CAMK4: variants seen among roughly 807,000 people sequenced by gnomAD.
The protein encoded by CAMK4 is calcium/calmodulin dependent protein kinase IV, also known as calcium/calmodulin-dependent protein kinase type IV.
A neutral mutation model predicts 44.9 loss-of-function variants in CAMK4; 22 were observed. The ratio of observed to expected loss-of-function variants is 0.49; its 90% CI spans 0.35 to 0.70. The LOEUF is 0.70. Ranked by LOEUF, CAMK4 falls within the 30% of genes least tolerant of loss-of-function variation. The probability of loss-of-function intolerance (pLI) is 0.01; values close to 1 mark genes in which losing one functional copy is unlikely to be tolerated. For synonymous variants in CAMK4, 218 were observed against 215.4 expected, an observed-to-expected ratio of 1.01 and a Z score of -0.11; for missense variants, 498 against 586.8, an observed-to-expected ratio of 0.85 and a Z score of 1.56.
At chr5:111,419,219 C>G (rs1752929661) in intron 5 of CAMK4, among the ~76,000 whole-genome samples, 2 of 152,122 alleles carry the variant, frequency 1.3e-5, no homozygotes, top group Admixed American at 1.3e-4. Flanking sequence ...TTTCATGTGT[C>G]TTTTGGCTGC....
chr5:111,462,220 T>G (rs557675898), intron 7 of CAMK4, among the ~76,000 whole-genome samples: 1 of 152,212 alleles, frequency 6.6e-6, no homozygotes, highest in African/African-American at 2.4e-5. Context: ...ATCCTCTACA[T>G]CTCAGTTCAA....
At chr5:111,240,306 TAA>T (rs60517832) in intron 1 of CAMK4, among the ~76,000 whole-genome samples, 32,570 of 142,964 alleles carry the variant, frequency 0.23, 3,898 homozygotes, top group Non-Finnish European at 0.29. Flanking sequence ...TTTAACAATC[TAA>T]AAAAAAAAAA....
Position 111,486,533 on chromosome 5 carries a change from ACACACACACG to A in CAMK4, c.*2068_*2077del, listed in dbSNP as rs1755632554. ...CACACACACACACACACACACACACACACACACACGTGTTGGAAGAGCAAAGAGAGGGAAG... is the reference window on the plus strand; with the variant it reads ...CACACACACACACACACACACACACATGTTGGAAGAGCAAAGAGAGGGAAG... On this transcript the variant is annotated 3_prime_UTR_variant, in exon 11 of 11. Transcript: ENST00000282356. 2 of 143,192 alleles carry A rather than the reference ACACACACACG, an allele frequency of 1.4e-5. No individual in the cohort carries two copies. Among genetic ancestry groups the A allele is most frequent in the South Asian group, 4.9e-4 (2 of 4,086 alleles). The allele number at this position is 143,192 out of a possible 1,614,324, so 8.9% of individuals were successfully genotyped here.
intron 4 of CAMK4, among the ~76,000 whole-genome samples, chr5:111,378,242 A>G (rs1195348659): frequency 3.3e-5 from 5 of 152,084 alleles, no homozygotes; most frequent in Non-Finnish European, 1.5e-5. Flanking sequence ...CCCTCACCAG[A>G]CACAAAATCT....
At chr5:111,295,759 G>A (rs561306524) in intron 1 of CAMK4, among the ~76,000 whole-genome samples, 1 of 152,274 alleles carries the variant, frequency 6.6e-6, no homozygotes, top group South Asian at 2.1e-4. Context: ...CCCCACTGTT[G>A]TCTAGTGGTT....
chr5:111,317,834 G>A lies in CAMK4; in HGVS notation c.162-26190G>A, dbSNP rs534149643. The stretch of plus-strand genomic sequence containing the variant: ...TTGAACAACGGGCCCTGTATTGTCT[G>A]AATGCAAATATTACATTTTGTTTTC... On this transcript the variant is annotated intron_variant, in intron 1 of 10. Coordinates refer to ENST00000282356, the MANE Select transcript of CAMK4 (RefSeq NM_001744.6). Among the ~76,000 whole-genome samples the A allele has an allele frequency of 3.7e-3, 472 of 129,052 alleles. 1 individual carries two copies. The highest frequency in any genetic ancestry group is 0.013 in the African/African-American group (442 of 34,794). 84.7% of individuals were successfully genotyped at this position (129,052 alleles called of 152,430 possible). A position where few individuals can be genotyped will look rare whatever the true frequency, so the allele number is the denominator to read the frequency against.
At chr5:111,398,125 A>C (rs1489904093) in intron 5 of CAMK4, among the ~76,000 whole-genome samples, 1 of 152,158 alleles carries the variant, frequency 6.6e-6, no homozygotes, top group Non-Finnish European at 1.5e-5. Context: ...CTTCCAACCA[A>C]TAGTCTCTAC....
chr5:111,420,483 A>G (rs942843852), intron 5 of CAMK4, among the ~76,000 whole-genome samples: 2 of 152,274 alleles, frequency 1.3e-5, no homozygotes, highest in African/African-American at 2.4e-5. Context: ...TATATTGAAT[A>G]GGAGTGGTGA....
At chr5:111,420,159 A>G (rs1318869074) in intron 5 of CAMK4, among the ~76,000 whole-genome samples, 4 of 150,994 alleles carry the variant, frequency 2.6e-5, no homozygotes, top group Non-Finnish European at 4.4e-5. Flanking sequence ...GGTCCTTCAC[A>G]TCCCTTGTAA....
chr5:111,375,334 G>GA (rs1312015300), intron 3 of CAMK4, among the ~76,000 whole-genome samples: 1 of 152,138 alleles, frequency 6.6e-6, no homozygotes, highest in Admixed American at 6.6e-5. Flanking sequence ...TGAACAATGT[G>GA]AAGATGCAAA....
Position 111,237,265 on chromosome 5 carries a change from C to T in CAMK4, c.161+12621C>T, listed in dbSNP as rs1396258564. Among the ~76,000 whole-genome samples, 9 of 152,214 alleles carry T rather than the reference C, an allele frequency of 5.9e-5. No individual in the cohort carries two copies. The East Asian group carries it at 1.5e-3, about 26-fold the overall frequency. On this transcript the variant is annotated intron_variant, in intron 1 of 10. Coordinates refer to ENST00000282356, the MANE Select transcript of CAMK4 (RefSeq NM_001744.6). ...AGTCATCTCTATCTTAAAGAGCCCC[C>T]ATCTCTAAGTGATCAGGGATACTGT...
chr5:111,424,476 G>C (rs1334834772), intron 5 of CAMK4, among the ~76,000 whole-genome samples: 1 of 109,410 alleles, frequency 9.1e-6, no homozygotes, highest in African/African-American at 3.6e-5. Flanking sequence ...ACAGAGTCTC[G>C]CTCTGTCGCC....
chr5:111,253,760 TAGTA>T (rs1749621622), intron 1 of CAMK4, among the ~76,000 whole-genome samples: 1 of 152,192 alleles, frequency 6.6e-6, no homozygotes, highest in Admixed American at 6.5e-5. Flanking sequence ...CATTTTTCAA[TAGTA>T]AGTGAGACAA....
At chr5:111,353,435 T>C (rs576481095) in intron 2 of CAMK4, among the ~76,000 whole-genome samples, 1 of 152,228 alleles carries the variant, frequency 6.6e-6, no homozygotes, top group Admixed American at 6.5e-5. Flanking sequence ...TATATGGATG[T>C]TATTATCATC....
intron 1 of CAMK4, among the ~76,000 whole-genome samples, chr5:111,266,926 C>A (rs1408231888): frequency 6.6e-6 from 1 of 152,224 alleles, no homozygotes; most frequent in Admixed American, 6.5e-5. Flanking sequence ...GTTTTCTTTT[C>A]CCTTGCCTCT....
intron 1 of CAMK4, among the ~76,000 whole-genome samples, chr5:111,285,891 G>A (rs1751221267): frequency 6.6e-6 from 1 of 152,192 alleles, no homozygotes; most frequent in South Asian, 2.1e-4. Context: ...CTCTGATAAA[G>A]TAAATCCATA....
At chr5:111,399,242 A>C (rs1271203845) in intron 5 of CAMK4, among the ~76,000 whole-genome samples, 1 of 152,124 alleles carries the variant, frequency 6.6e-6, no homozygotes, top group African/African-American at 2.4e-5. Flanking sequence ...ATCTCAGAGT[A>C]GTTGTCATTT....
chr5:111,370,443 T>C (rs1004696088), intron 2 of CAMK4, among the ~76,000 whole-genome samples: 2 of 152,150 alleles, frequency 1.3e-5, no homozygotes, highest in African/African-American at 4.8e-5. Context: ...ACACTTTACA[T>C]TGATCAGAAA....
At chr5:111,325,940 A>G (rs1435081058) in intron 1 of CAMK4, among the ~76,000 whole-genome samples, 3 of 152,096 alleles carry the variant, frequency 2.0e-5, no homozygotes, top group African/African-American at 4.8e-5. Flanking sequence ...CAACATATCA[A>G]AATTTGTGGG....
Sources: gnomAD v4.1 joint callset for allele counts (sites outside exome capture counted in the v4.1 genomes callset) on GRCh38, gnomAD v4.1.1 for gene constraint, MANE v1.5 for transcripts, NCBI Gene and HGNC (gene_info 2026-07-23, HGNC 2026-07-21) for gene names.